The following RALGPS1 variants were observed in gnomAD, a reference collection of about 807,000 sequenced individuals.
RALGPS1 encodes the protein Ral GEF with PH domain and SH3 binding motif 1, also known as ras-specific guanine nucleotide-releasing factor RalGPS1.
In RALGPS1, 19 loss-of-function variants were observed where a neutral mutation model predicts 78.8. The ratio of observed to expected loss-of-function variants is 0.24; its 90% CI spans 0.17 to 0.35. The LOEUF is 0.35. Ranked by LOEUF, RALGPS1 falls within the 10% of genes least tolerant of loss-of-function variation. The pLI is 1.00. For missense variants in RALGPS1, 454 were observed against 688.3 expected, an observed-to-expected ratio of 0.66 and a Z score of 3.81; for synonymous variants, 228 against 256.3, an observed-to-expected ratio of 0.89 and a Z score of 1.06.
At chr9:126,970,158 C>T (rs1380762215) in intron 3 of RALGPS1, among the ~76,000 whole-genome samples, 1 of 152,108 alleles carries the variant, frequency 6.6e-6, no homozygotes, top group Non-Finnish European at 1.5e-5. Context: ...TGTAAACATT[C>T]AGAACAACTA....
chr9:127,155,099 C>T (rs1023474081), intron 8 of RALGPS1, among the ~76,000 whole-genome samples: 2 of 152,158 alleles, frequency 1.3e-5, no homozygotes, highest in Non-Finnish European at 2.9e-5. Context: ...GTGGGGCTGT[C>T]CCTTAACAGA....
intron 8 of RALGPS1, among the ~76,000 whole-genome samples, chr9:127,162,414 G>A (rs1161262893): frequency 1.3e-5 from 2 of 152,192 alleles, no homozygotes; most frequent in Non-Finnish European, 2.9e-5. Flanking sequence ...CTCTGTTGTG[G>A]ACTAATACAG....
At chr9:127,105,187 G>A (rs1161619617) in intron 8 of RALGPS1, among the ~76,000 whole-genome samples, 2 of 152,202 alleles carry the variant, frequency 1.3e-5, no homozygotes, top group Non-Finnish European at 2.9e-5. Flanking sequence ...CTGGTAATGA[G>A]CAAGTACCAA....
At chr9:127,057,405 C>T (rs187972496) in intron 7 of RALGPS1, among the ~76,000 whole-genome samples, 9 of 152,330 alleles carry the variant, frequency 5.9e-5, no homozygotes, top group Admixed American at 5.9e-4. Context: ...TCACGGATGA[C>T]TTCCAGAGAA....
intron 8 of RALGPS1, among the ~76,000 whole-genome samples, chr9:127,094,494 G>A (rs893479245): frequency 3.3e-5 from 5 of 152,200 alleles, no homozygotes; most frequent in South Asian, 2.1e-4. Context: ...ACAGTGCTTC[G>A]TGATGACTGC....
At chr9:127,021,318 A>G (rs983884985) in intron 4 of RALGPS1, among the ~76,000 whole-genome samples, 7 of 152,086 alleles carry the variant, frequency 4.6e-5, no homozygotes, top group Admixed American at 2.6e-4. Flanking sequence ...CCTGGCCAAC[A>G]TGGTGAAACC....
At chr9:127,177,470 T>G (rs2059946319) in intron 11 of RALGPS1, among the ~76,000 whole-genome samples, 1 of 152,190 alleles carries the variant, frequency 6.6e-6, no homozygotes, top group African/African-American at 2.4e-5. Context: ...TCCAGGCATC[T>G]ATGTGACCCA....
Position 126,944,138 on chromosome 9 carries a change from G to A in RALGPS1, c.-65-18087G>A, listed in dbSNP as rs543608283. Among the ~76,000 whole-genome samples the A allele has an allele frequency of 2.0e-5, 3 of 152,366 alleles. No individual in the cohort carries two copies. The South Asian group carries it at 6.2e-4, about 32-fold the overall frequency. On this transcript the variant is annotated intron_variant, in intron 1 of 18. Coordinates refer to ENST00000259351, the MANE Select transcript of RALGPS1 (RefSeq NM_014636.3). ...TCCGCCAGCCAGCAGCAGTGTATGG[G>A]ACATGCAGGCCTGGTGGGCACCCTT...
At chr9:127,073,466 C>CTGTGTGTGTG (rs58611833) in intron 8 of RALGPS1, among the ~76,000 whole-genome samples, 3,164 of 142,988 alleles carry the variant, frequency 0.022, 41 homozygotes, top group Non-Finnish European at 0.031. Context: ...GTGTGTGTGT[C>CTGTGTGTGTG]TGTGTGTGTG....
At chr9:127,054,167 C>T (rs998520530) in intron 7 of RALGPS1, among the ~76,000 whole-genome samples, 1 of 152,128 alleles carries the variant, frequency 6.6e-6, no homozygotes, top group East Asian at 1.9e-4. Context: ...CTTTGGAGGT[C>T]GAAAGCAAGT....
intron 8 of RALGPS1, among the ~76,000 whole-genome samples, chr9:127,097,670 A>T (rs925616068): frequency 5.3e-5 from 8 of 152,274 alleles, no homozygotes; most frequent in Non-Finnish European, 8.8e-5. Flanking sequence ...TTGATGAGAA[A>T]TCCACAACTG....
chr9:127,178,935 C>T lies in RALGPS1; in HGVS notation c.910+4153C>T, dbSNP rs190118061. On this transcript the variant is annotated intron_variant, in intron 11 of 18. Coordinates refer to ENST00000259351, the MANE Select transcript of RALGPS1 (RefSeq NM_014636.3). ...ATTTGCCCATGTCTGTCTGCTCCGC[C>T]AGACTGAAAGCTCCTTGAGGAAGGG... is the stretch of plus-strand genomic sequence containing the variant. 3.9e-5 allele frequency among the ~76,000 whole-genome samples: 6 copies of T among 152,376 alleles called. 1 individual carries two copies. Among genetic ancestry groups the T allele is most frequent in the Middle Eastern group, 6.8e-3 (2 of 294 alleles).
chr9:126,921,447 C>T (rs1286806848), intron 1 of RALGPS1, among the ~76,000 whole-genome samples: 1 of 152,222 alleles, frequency 6.6e-6, no homozygotes, highest in Non-Finnish European at 1.5e-5. Context: ...GACTTCTCCC[C>T]AAGGAGAGGC....
intron 8 of RALGPS1, among the ~76,000 whole-genome samples, chr9:127,133,360 G>GCAGC (rs1415020585): frequency 6.6e-6 from 1 of 152,266 alleles, no homozygotes; most frequent in Non-Finnish European, 1.5e-5. Flanking sequence ...CCTCTTCCTG[G>GCAGC]CAGCCCTTGG....
At chr9:127,048,165 A>C (rs2047981277) in intron 5 of RALGPS1, among the ~76,000 whole-genome samples, 1 of 151,960 alleles carries the variant, frequency 6.6e-6, no homozygotes, top group East Asian at 1.9e-4. Flanking sequence ...TCCTCACCAC[A>C]CACCCAATCT....
intron 1 of RALGPS1, among the ~76,000 whole-genome samples, chr9:126,932,353 A>G (rs1317361141): frequency 1.3e-5 from 2 of 152,224 alleles, no homozygotes; most frequent in Non-Finnish European, 2.9e-5. Context: ...GAACATATAC[A>G]TACCTTATGA....
rs145002139 is a variant in RALGPS1, at chr9:127,198,057, G to A, written c.1196-958G>A. 6.8e-3 allele frequency among the ~76,000 whole-genome samples: 1,041 copies of A among 152,350 alleles called. 15 individuals are homozygous for A. The highest frequency in any genetic ancestry group is 0.024 in the African/African-American group (980 of 41,586). ...CCTTGCTATTCCTGAGATAGAAAACGGAGTCAGATGCAGAGCTGTCCAACG... is the reference window on the plus strand; with the variant it reads ...CCTTGCTATTCCTGAGATAGAAAACAGAGTCAGATGCAGAGCTGTCCAACG... On this transcript the variant is annotated intron_variant, in intron 13 of 18. Transcript: ENST00000259351.
chr9:127,152,632 C>G (rs2058485038), intron 8 of RALGPS1, among the ~76,000 whole-genome samples: 1 of 152,190 alleles, frequency 6.6e-6, no homozygotes, highest in Non-Finnish European at 1.5e-5. Flanking sequence ...TGTTCAATTT[C>G]TGTCCTGTAT....
intron 1 of RALGPS1, among the ~76,000 whole-genome samples, chr9:126,935,998 G>A (rs557284538): frequency 5.7e-4 from 87 of 152,332 alleles, no homozygotes; most frequent in South Asian, 2.7e-3. Flanking sequence ...ATTCAGCTAG[G>A]GGAGGACTGC....
Sources: allele counts gnomAD v4.1 joint callset (sites outside exome capture counted in the v4.1 genomes callset), GRCh38; gene constraint gnomAD v4.1.1; transcripts MANE v1.5; gene names NCBI Gene and HGNC (gene_info 2026-07-23, HGNC 2026-07-21).